The following DSCAML1 variants were observed in gnomAD, a reference collection of about 807,000 sequenced individuals.
DSCAML1 encodes the protein DS cell adhesion molecule like 1.
In DSCAML1, 38 loss-of-function variants were observed where a neutral mutation model predicts 200.5. The ratio of observed to expected loss-of-function variants is 0.19; its 90% CI spans 0.15 to 0.25. The LOEUF is 0.25. Among genes scored for constraint, DSCAML1 ranks in the 10% least tolerant of loss-of-function variants. The probability of loss-of-function intolerance (pLI) is 1.00; values close to 1 mark genes in which losing one functional copy is unlikely to be tolerated. For synonymous variants in DSCAML1, 1,215 were observed against 1,165.0 expected (o/e 1.04, Z -0.87); for missense variants, 2,223 against 2,858.8 (o/e 0.78, Z 5.07).
At chr11:117,676,318 A>C (rs1167364781) in intron 3 of DSCAML1, among the ~76,000 whole-genome samples, 1 of 152,202 alleles carries the variant, frequency 6.6e-6, no homozygotes, top group Non-Finnish European at 1.5e-5. Context: ...TTATCTTTAC[A>C]AAAGGGGTAA....
chr11:117,493,925 G>A (rs989587224), intron 11 of DSCAML1, among the ~76,000 whole-genome samples: 4 of 152,166 alleles, frequency 2.6e-5, no homozygotes, highest in Non-Finnish European at 5.9e-5. Context: ...ACTGTGCCTG[G>A]CCTGGTCTTC....
intron 5 of DSCAML1, among the ~76,000 whole-genome samples, chr11:117,522,048 G>T (rs985623434): frequency 3.9e-5 from 6 of 152,244 alleles, no homozygotes; most frequent in Non-Finnish European, 7.3e-5. Context: ...TGACTGTAGG[G>T]GTTCAAAGGG....
At chr11:117,816,572 C>G (rs539539078) in intron 1 of DSCAML1, among the ~76,000 whole-genome samples, 159 of 152,280 alleles carry the variant, frequency 1.0e-3, no homozygotes, top group African/African-American at 3.5e-3. Flanking sequence ...GCAGCCCTGC[C>G]GAGCAGAGCG....
intron 11 of DSCAML1, among the ~76,000 whole-genome samples, chr11:117,492,753 C>T (rs996405592): frequency 3.3e-5 from 5 of 152,200 alleles, no homozygotes; most frequent in African/African-American, 1.2e-4. Flanking sequence ...CTTCACTCAG[C>T]CTTCGACGGC....
intron 8 of DSCAML1, among the ~76,000 whole-genome samples, chr11:117,507,486 C>A (rs967962542): frequency 3.3e-5 from 5 of 152,214 alleles, no homozygotes; most frequent in African/African-American, 1.2e-4. Context: ...AAAACCCAGG[C>A]AGCCCTTTGG....
intron 1 of DSCAML1, among the ~76,000 whole-genome samples, chr11:117,784,133 T>A (rs984815409): frequency 7.9e-5 from 12 of 152,194 alleles, no homozygotes; most frequent in African/African-American, 2.2e-4. Flanking sequence ...AGCCTCATAG[T>A]TCTCCCACCC....
intron 3 of DSCAML1, among the ~76,000 whole-genome samples, chr11:117,682,359 C>A (rs755922205): frequency 2.6e-5 from 4 of 152,174 alleles, no homozygotes; most frequent in Non-Finnish European, 5.9e-5. Context: ...CCTGAAGACA[C>A]CCTCCCATGA....
chr11:117,590,555 C>G (rs559040627), intron 3 of DSCAML1, among the ~76,000 whole-genome samples: 2 of 152,194 alleles, frequency 1.3e-5, no homozygotes, highest in African/African-American at 4.8e-5. Context: ...TCCTCCCACA[C>G]CGTCCTTCCA....
intron 1 of DSCAML1, among the ~76,000 whole-genome samples, chr11:117,787,921 G>A (rs1008632623): frequency 1.3e-5 from 2 of 152,094 alleles, no homozygotes; most frequent in African/African-American, 4.8e-5. Context: ...CACTCTGATT[G>A]TTCTCATCCC....
chr11:117,596,271 T>C (rs2051359753), intron 3 of DSCAML1, among the ~76,000 whole-genome samples: 1 of 152,106 alleles, frequency 6.6e-6, no homozygotes, highest in Admixed American at 6.6e-5. Flanking sequence ...TACTCTTAAG[T>C]CCAGATCTTT....
intron 4 of DSCAML1, among the ~76,000 whole-genome samples, chr11:117,526,327 G>C (rs1443805407): frequency 6.6e-6 from 1 of 152,150 alleles, no homozygotes; most frequent in African/African-American, 2.4e-5. Context: ...GGAAGCCTGC[G>C]GTGGTGTGCT....
At chr11:117,763,544 G>A (rs1484865660) in intron 3 of DSCAML1, among the ~76,000 whole-genome samples, 3 of 152,058 alleles carry the variant, frequency 2.0e-5, no homozygotes, top group Non-Finnish European at 4.4e-5. Context: ...GCTCCCCATT[G>A]CCCTTCGATA....
chr11:117,496,326 C>G (rs889275659), intron 11 of DSCAML1, among the ~76,000 whole-genome samples: 1 of 152,176 alleles, frequency 6.6e-6, no homozygotes, highest in Non-Finnish European at 1.5e-5. Flanking sequence ...TCAGGAAGCA[C>G]CTGGTTATTA....
intron 2 of DSCAML1, among the ~76,000 whole-genome samples, chr11:117,778,190 T>C (rs933928911): frequency 6.6e-6 from 1 of 152,140 alleles, no homozygotes; most frequent in Admixed American, 6.5e-5. Flanking sequence ...GAGGAGAAGA[T>C]GTGGTTGAGG....
chr11:117,527,348 G>A (rs901176437), intron 4 of DSCAML1, among the ~76,000 whole-genome samples: 7 of 152,154 alleles, frequency 4.6e-5, no homozygotes, highest in Admixed American at 1.3e-4. Flanking sequence ...GCCCCCATCA[G>A]CACTGCCCCT....
chr11:117,646,258 G>GAGGT (rs1565848290), intron 3 of DSCAML1, among the ~76,000 whole-genome samples: 2 of 151,924 alleles, frequency 1.3e-5, no homozygotes, highest in Non-Finnish European at 2.9e-5. Context: ...GGAAGGGAGG[G>GAGGT]AGGTGGCTGC....
rs529321691 is a variant in DSCAML1, at chr11:117,780,652, C to T, written c.205G>A (p.Asp69Asn). The T allele has an allele frequency of 2.5e-6, 4 of 1,590,432 alleles. No individual in the cohort carries two copies. The highest frequency in any genetic ancestry group is 1.3e-5 in the African/African-American group (1 of 74,122). ...TGGACGTGCCGGATGTGCGGCACGT[C>T]GTAGATGTCGTCCCCTGTGGCCAGG... The part of the protein sequence containing the change: ...WYLATGDDIY[D>N]VPHIRHVHAN... The change falls in exon 2 of 33, where the codon GAC (aspartate) becomes AAC (asparagine). Residue 69 changes from aspartate to asparagine, a missense_variant. Asp to Asn is a conservative substitution (Grantham distance 23). Around this residue, in one of 7 missense-constraint regions of DSCAML1, gnomAD observed 579 missense variants for 721.5 expected, o/e 0.80. Coordinates refer to ENST00000651296, the MANE Select transcript of DSCAML1 (RefSeq NM_020693.4). The surrounding 1 kb of genome is among the most constrained non-coding windows in gnomAD (Gnocchi z 4.8).
At chr11:117,721,595 T>C (rs2054042014) in intron 3 of DSCAML1, among the ~76,000 whole-genome samples, 1 of 150,024 alleles carries the variant, frequency 6.7e-6, no homozygotes, top group South Asian at 2.1e-4. Context: ...AAACTCGTCA[T>C]GTTCCTCTTA....
intron 8 of DSCAML1, among the ~76,000 whole-genome samples, chr11:117,512,801 A>ACACACACACC (rs1256356030): frequency 9.4e-6 from 1 of 106,698 alleles, no homozygotes; most frequent in African/African-American, 3.3e-5. Context: ...ACACACACAC[A>ACACACACACC]CCCCTCCCCT....
Sources: gnomAD v4.1 joint callset for allele counts (sites outside exome capture counted in the v4.1 genomes callset) on GRCh38, gnomAD v4.1.1 for gene constraint, gnomAD v4.1.1 regional missense constraint, Gnocchi (gnomAD v3.1) non-coding constraint, MANE v1.5 for transcripts, NCBI Gene and HGNC (gene_info 2026-07-23, HGNC 2026-07-21) for gene names.